The following SV2B variants were observed in gnomAD, a reference collection of about 807,000 sequenced individuals.
SV2B encodes synaptic vesicle glycoprotein 2B, also known as solute carrier family 22 member B2.
A neutral mutation model predicts 73.9 loss-of-function variants in SV2B; 41 were observed. That is an observed-to-expected ratio of 0.56 (90% confidence interval 0.43 to 0.72). The LOEUF (loss-of-function observed/expected upper bound fraction) is 0.72. Among genes scored for constraint, SV2B ranks in the 30% least tolerant of loss-of-function variants. The pLI, the probability that SV2B is intolerant of heterozygous loss-of-function variation, is 0.00. For synonymous variants in SV2B, 314 were observed against 314.2 expected, an observed-to-expected ratio of 1.00 and a Z score of 0.01; for missense variants, 764 against 857.8, an observed-to-expected ratio of 0.89 and a Z score of 1.37.
intron 1 of SV2B, among the ~76,000 whole-genome samples, chr15:91,180,276 T>G (rs1273197372): frequency 6.6e-6 from 1 of 152,244 alleles, no homozygotes; most frequent in Non-Finnish European, 1.5e-5. Context: ...GTTAGTCTGA[T>G]GGGCTTCCCT....
In SV2B at chr15:91,192,349, T is replaced by A. The variant is rs139690780; in HGVS notation, c.-391-33524T>A. On this transcript the variant is annotated intron_variant, in intron 1 of 12. Transcript: ENST00000394232. ...GCTGACATACAATTCTATGCTTTCT[T>A]GAATTCAGTTCCTCTCTAGGATTTC... 3.0e-3 allele frequency among the ~76,000 whole-genome samples: 458 copies of A among 152,366 alleles called. 2 individuals carry two copies. The highest frequency in any genetic ancestry group is 0.011 in the African/African-American group (443 of 41,596).
intron 1 of SV2B, among the ~76,000 whole-genome samples, chr15:91,148,325 C>G (rs1464105490): frequency 6.6e-6 from 1 of 152,064 alleles, no homozygotes; most frequent in African/African-American, 2.4e-5. Flanking sequence ...AGCCCCTCTG[C>G]CTCTCTGAGA....
At chr15:91,237,763 C>T (rs941545557) in intron 2 of SV2B, among the ~76,000 whole-genome samples, 1 of 152,048 alleles carries the variant, frequency 6.6e-6, no homozygotes, top group Non-Finnish European at 1.5e-5. Flanking sequence ...TAGGAACGAT[C>T]CCCACATGGC....
intron 1 of SV2B, among the ~76,000 whole-genome samples, chr15:91,173,835 C>G (rs1651795052): frequency 6.6e-6 from 1 of 152,146 alleles, no homozygotes; most frequent in South Asian, 2.1e-4. Context: ...TTTTGGTGCT[C>G]TCAGATCTTG....
chr15:91,270,890 T>TGGGAGGACGGTGAGTCCTGTGGAC (rs2048280539), intron 9 of SV2B, among the ~76,000 whole-genome samples: 4 of 119,752 alleles, frequency 3.3e-5, no homozygotes, highest in African/African-American at 1.8e-4. Context: ...ATCTTGTGGA[T>TGGGAGGACGGTGAGTCCTGTGGAC]GATGGGAGGA....
chr15:91,207,130 T>C (rs2141408201), intron 1 of SV2B, among the ~76,000 whole-genome samples: 1 of 150,086 alleles, frequency 6.7e-6, no homozygotes, highest in African/African-American at 2.5e-5. Flanking sequence ...CCAGTGATCC[T>C]CCCTCCTCAG....
At chr15:91,188,725 C>G (rs2044878523) in intron 1 of SV2B, among the ~76,000 whole-genome samples, 1 of 152,184 alleles carries the variant, frequency 6.6e-6, no homozygotes, top group East Asian at 1.9e-4. Context: ...TATGCCCCAT[C>G]AAGTATTACA....
intron 1 of SV2B, among the ~76,000 whole-genome samples, chr15:91,210,112 G>C (rs900482953): frequency 1.3e-5 from 2 of 149,652 alleles, no homozygotes; most frequent in South Asian, 2.1e-4. Context: ...GTCTATGGCA[G>C]GATAATTAGG....
intron 1 of SV2B, among the ~76,000 whole-genome samples, chr15:91,103,332 AT>A (rs1244207965): frequency 1.3e-5 from 2 of 152,076 alleles, no homozygotes; most frequent in African/African-American, 4.8e-5. Flanking sequence ...TAGTATTATG[AT>A]TTTTTGTTTC....
intron 1 of SV2B, among the ~76,000 whole-genome samples, chr15:91,201,258 G>T (rs911485372): frequency 8.5e-5 from 13 of 152,136 alleles, no homozygotes; most frequent in African/African-American, 3.1e-4. Flanking sequence ...TGTTACATCC[G>T]TTGGGAACCT....
Position 91,252,641 on chromosome 15 carries a change from A to G in SV2B, c.784+121A>G, listed in dbSNP as rs1596698162. 6.5e-6 allele frequency: 7 copies of G among 1,079,372 alleles called. No homozygotes were observed. Among genetic ancestry groups the G allele is most frequent in the Non-Finnish European group, 8.4e-6 (7 of 833,838 alleles). The allele number at this position is 1,079,372 out of a possible 1,614,324, so 66.9% of individuals were successfully genotyped here. A position where few individuals can be genotyped will look rare whatever the true frequency, so the allele number is the denominator to read the frequency against. On this transcript the variant is annotated intron_variant, in intron 4 of 12. Coordinates refer to ENST00000394232, the MANE Select transcript of SV2B (RefSeq NM_001323032.3). This position sits in a 1 kb window ranked among gnomAD's most constrained non-coding sequence, Gnocchi z 4.6. ...CGCACAGTTCCCGTACGTGACCTTGATCTTTCTTAACAACTTCTAACATTG... is the reference window on the plus strand; with the variant it reads ...CGCACAGTTCCCGTACGTGACCTTGGTCTTTCTTAACAACTTCTAACATTG...
At chr15:91,134,228 C>T (rs2042747396) in intron 1 of SV2B, among the ~76,000 whole-genome samples, 1 of 152,040 alleles carries the variant, frequency 6.6e-6, no homozygotes, top group Non-Finnish European at 1.5e-5. Flanking sequence ...GAACTCCTGA[C>T]CTCAGGTGAT....
chr15:91,286,734 G>A (rs1391758942), intron 11 of SV2B, among the ~76,000 whole-genome samples: 3 of 152,012 alleles, frequency 2.0e-5, no homozygotes, highest in African/African-American at 7.3e-5. Flanking sequence ...TTAGAGATGG[G>A]GACAGTGAGA....
At chr15:91,154,494 G>T (rs1409492624) in intron 1 of SV2B, among the ~76,000 whole-genome samples, 1 of 152,220 alleles carries the variant, frequency 6.6e-6, no homozygotes, top group Admixed American at 6.5e-5. Context: ...ACCCCACTTG[G>T]CTGTGTAGCG....
chr15:91,189,159 C>T (rs1337704805), intron 1 of SV2B, among the ~76,000 whole-genome samples: 1 of 151,962 alleles, frequency 6.6e-6, no homozygotes, highest in Non-Finnish European at 1.5e-5. Context: ...CTCCAAATGT[C>T]ATTTTTTTTT....
chr15:91,210,418 C>T (rs1046821776), intron 1 of SV2B, among the ~76,000 whole-genome samples: 1 of 152,054 alleles, frequency 6.6e-6, no homozygotes. Context: ...GGAATTTCCA[C>T]GGCTGGGTTA....
chr15:91,267,554 G>A lies in SV2B; in HGVS notation c.1120-1G>A, dbSNP rs1242261372. 1 of 1,612,664 alleles carries A rather than the reference G, an allele frequency of 6.2e-7. No homozygotes were observed. The highest frequency in any genetic ancestry group is 1.1e-5 in the South Asian group (1 of 90,734). On this transcript the variant is annotated splice_acceptor_variant, in intron 7 of 12. Coordinates refer to ENST00000394232, the MANE Select transcript of SV2B (RefSeq NM_001323032.3). LOFTEE classifies it high-confidence loss of function. This position sits in a 1 kb window ranked among gnomAD's most constrained non-coding sequence, Gnocchi z 4.3. Reference sequence around the variant, plus strand: ...CAATCCTTCTCTGGTATGGGTTGTAGGTCTGGGATAATGCCCTGTACTGTG... The same window carrying A: ...CAATCCTTCTCTGGTATGGGTTGTAAGTCTGGGATAATGCCCTGTACTGTG...
chr15:91,141,154 C>T lies in SV2B; in HGVS notation c.-392+40791C>T, dbSNP rs2042985095. Among the ~76,000 whole-genome samples the T allele has an allele frequency of 1.3e-5, 2 of 152,140 alleles. No homozygotes were observed. The highest frequency in any genetic ancestry group is 2.9e-5 in the Non-Finnish European group (2 of 68,032). On this transcript the variant is annotated intron_variant, in intron 1 of 12. Coordinates refer to ENST00000394232, the MANE Select transcript of SV2B (RefSeq NM_001323032.3). The surrounding 1 kb of genome is among the most constrained non-coding windows in gnomAD (Gnocchi z 4.6). Reference sequence around the variant, plus strand: ...TTTAAAAAGTAGCCCTTTCTTCCACCCCATTCCCACAGGATTTTCTTCGGT... The same window carrying T: ...TTTAAAAAGTAGCCCTTTCTTCCACTCCATTCCCACAGGATTTTCTTCGGT...
intron 6 of SV2B, among the ~76,000 whole-genome samples, chr15:91,263,187 C>A (rs970937602): frequency 4.0e-5 from 6 of 150,518 alleles, no homozygotes; most frequent in African/African-American, 1.5e-4. Context: ...CACAGAGACA[C>A]ACAGACACAG....
Sources: allele counts gnomAD v4.1 joint callset (sites outside exome capture counted in the v4.1 genomes callset), GRCh38; gene constraint gnomAD v4.1.1; non-coding constraint Gnocchi (gnomAD v3.1); transcripts MANE v1.5; gene names NCBI Gene and HGNC (gene_info 2026-07-23, HGNC 2026-07-21).